The following CCDC138 variants were observed in gnomAD, a reference collection of about 807,000 sequenced individuals.
CCDC138 encodes the protein coiled-coil domain-containing protein 138.
In CCDC138, 66 loss-of-function variants were observed where a neutral mutation model predicts 82.3. The observed-to-expected ratio is 0.80, with a 90% CI of 0.66 to 0.98. The LOEUF (loss-of-function observed/expected upper bound fraction) is 0.98. Ranked by LOEUF, CCDC138 falls within the 50% of genes least tolerant of loss-of-function variation. The pLI, the probability that CCDC138 is intolerant of heterozygous loss-of-function variation, is 0.00. For missense variants in CCDC138, 816 were observed against 758.9 expected, an observed-to-expected ratio of 1.08 and a Z score of -0.88; for synonymous variants, 297 against 265.4, an observed-to-expected ratio of 1.12 and a Z score of -1.16.
chr2:108,791,835 T>C lies in CCDC138; in HGVS notation c.394+33T>C, dbSNP rs771505524. The C allele has an allele frequency of 2.4e-5, 37 of 1,536,174 alleles. 1 individual carries two copies. The South Asian group carries it at 4.2e-4, about 18-fold the overall frequency. ...AAATATTTTAGAACAATCAATTCAGTAGTAACTTTGTCAAGTAGAGTAAAT... is the reference window on the plus strand; with the variant it reads ...AAATATTTTAGAACAATCAATTCAGCAGTAACTTTGTCAAGTAGAGTAAAT... On this transcript the variant is annotated intron_variant, in intron 4 of 14. Coordinates refer to ENST00000295124, the MANE Select transcript of CCDC138 (RefSeq NM_144978.3).
At chr2:108,853,959 TATA>T (rs1298220961) in intron 12 of CCDC138, among the ~76,000 whole-genome samples, 90 of 118,584 alleles carry the variant, frequency 7.6e-4, no homozygotes, top group Non-Finnish European at 1.1e-3. Flanking sequence ...AATAAATATA[TATA>T]ATAAAATATA....
At chr2:108,837,687 A>T (rs1034579266) in intron 10 of CCDC138, among the ~76,000 whole-genome samples, 1 of 152,312 alleles carries the variant, frequency 6.6e-6, no homozygotes, top group Non-Finnish European at 1.5e-5. Context: ...TGTAGAGTAC[A>T]TAATACTTGA....
intron 13 of CCDC138, among the ~76,000 whole-genome samples, chr2:108,858,980 G>A (rs1360352343): frequency 1.3e-5 from 2 of 152,150 alleles, no homozygotes; most frequent in Non-Finnish European, 2.9e-5. Context: ...GCTGCAATAA[G>A]CATGAGAGTG....
Position 108,863,212 on chromosome 2 carries a change from G to A in CCDC138, c.1693+6242G>A, listed in dbSNP as rs1421862672. ...GTTCTATTATGTTTTTTATTATTTA[G>A]GAGATTAAAGGAAGGATAATTTCAA... On this transcript the variant is annotated intron_variant, in intron 13 of 14. Transcript: ENST00000295124. 5.3e-5 allele frequency among the ~76,000 whole-genome samples: 8 copies of A among 152,008 alleles called. No individual in the cohort carries two copies. The East Asian group carries it at 1.5e-3, about 29-fold the overall frequency.
At chr2:108,839,935 G>A (rs1206341591) in intron 11 of CCDC138, among the ~76,000 whole-genome samples, 1 of 151,580 alleles carries the variant, frequency 6.6e-6, no homozygotes, top group Middle Eastern at 3.2e-3. Context: ...AGTCATCCTT[G>A]CCTTGTTTCT....
intron 10 of CCDC138, among the ~76,000 whole-genome samples, chr2:108,836,875 G>A (rs2150375782): frequency 6.6e-6 from 1 of 151,170 alleles, no homozygotes; most frequent in Non-Finnish European, 1.5e-5. Flanking sequence ...TTCATTGTTA[G>A]TGTATGGAAA....
chr2:108,871,479 A>G (rs947149930), intron 13 of CCDC138, among the ~76,000 whole-genome samples: 3 of 151,782 alleles, frequency 2.0e-5, no homozygotes, highest in Non-Finnish European at 2.9e-5. Context: ...TTGAACCCAG[A>G]GGGAGGAGGC....
intron 12 of CCDC138, among the ~76,000 whole-genome samples, chr2:108,853,882 T>C (rs1245219470): frequency 1.6e-5 from 2 of 123,288 alleles, no homozygotes; most frequent in South Asian, 4.4e-4. Context: ...CTATATAATA[T>C]ATTATATAGT....
At chr2:108,795,157 T>A (rs1680658058) in intron 5 of CCDC138, among the ~76,000 whole-genome samples, 1 of 140,586 alleles carries the variant, frequency 7.1e-6, no homozygotes. Context: ...TGTATTTTTT[T>A]TTTTTTTTTT....
chr2:108,882,297 C>T (rs927482591), intron 1 of CCDC138: 2 of 152,106 alleles, frequency 1.3e-5, no homozygotes, highest in African/African-American at 4.8e-5. Flanking sequence ...CCAATAGACT[C>T]ACCAGATGCA....
chr2:108,798,646 T>A, intron 6 of CCDC138, 60 bp downstream of exon 6: 1 of 1,332,318 alleles, frequency 7.5e-7, no homozygotes, highest in East Asian at 2.3e-5. Context: ...TTAGATTCAC[T>A]AGTTACTAAC....
intron 7 of CCDC138, among the ~76,000 whole-genome samples, chr2:108,811,247 C>CTCTTTTTTTTTCTTTTTTTTTTTTTT (rs760937756): frequency 8.8e-6 from 1 of 113,940 alleles, no homozygotes; most frequent in Non-Finnish European, 1.7e-5. Flanking sequence ...TTCTCTCTCT[C>CTCTTTTTTTTTCTTTTTTTTTTTTTT]TTTTTTTTTT....
downstream of CCDC138, among the ~76,000 whole-genome samples, chr2:108,879,486 G>A (rs188448898): frequency 1.7e-4 from 26 of 152,236 alleles, no homozygotes; most frequent in East Asian, 4.4e-3. Context: ...AGATTTAAAA[G>A]TCTCAAAGAA....
chr2:108,793,688 CCGGATTCACGCCA>C, intron 4 of CCDC138, among the ~76,000 whole-genome samples: 1 of 151,992 alleles, frequency 6.6e-6, no homozygotes, highest in South Asian at 2.1e-4. Context: ...GCTCCGCCTC[CCGGATTCACGCCA>C]CTCTCCTGCC....
rs115083368 is a variant in CCDC138 at position 108,793,342 on chromosome 2, A to C, written c.395-1198A>C. ...AGTGAGACTCCGTCTCAAAAAACAA[A>C]ACAAAACAACAACAAAAAAACACTG... On this transcript the variant is annotated intron_variant, in intron 4 of 14. Coordinates refer to ENST00000295124, the MANE Select transcript of CCDC138 (RefSeq NM_144978.3). 9.4e-3 allele frequency among the ~76,000 whole-genome samples: 1,434 copies of C among 152,192 alleles called. 16 individuals carry two copies. Among genetic ancestry groups the C allele is most frequent in the Non-Finnish European group, 0.011 (780 of 67,984 alleles).
intron 10 of CCDC138, among the ~76,000 whole-genome samples, chr2:108,820,085 A>T (rs1685418728): frequency 6.6e-6 from 1 of 152,196 alleles, no homozygotes; most frequent in African/African-American, 2.4e-5. Context: ...CGCAGAAGAC[A>T]TCAACACACT....
intron 7 of CCDC138, among the ~76,000 whole-genome samples, chr2:108,808,552 T>C (rs950354629): frequency 8.5e-5 from 13 of 152,212 alleles, no homozygotes; most frequent in African/African-American, 3.1e-4. Flanking sequence ...ATAGCCTTTC[T>C]AACTGGGATG....
At chr2:108,846,975 A>C (rs1389115163) in intron 12 of CCDC138, 45 bp downstream of exon 12, 2 of 1,039,604 alleles carry the variant, frequency 1.9e-6, no homozygotes, top group Non-Finnish European at 2.9e-6. Flanking sequence ...GAAACAATAG[A>C]GAATATCATA....
At chr2:108,858,063 G>T (rs934260585) in intron 13 of CCDC138, among the ~76,000 whole-genome samples, 3 of 152,178 alleles carry the variant, frequency 2.0e-5, no homozygotes, top group African/African-American at 7.2e-5. Context: ...CTCAAATTCA[G>T]CCAGGTGCAG....
Sources: gnomAD v4.1 joint callset for allele counts (sites outside exome capture counted in the v4.1 genomes callset) on GRCh38, gnomAD v4.1.1 for gene constraint, MANE v1.5 for transcripts, NCBI Gene and HGNC (gene_info 2026-07-23, HGNC 2026-07-21) for gene names.